Variants in SAR1B observed in about 807,000 individuals in gnomAD.
The protein encoded by SAR1B is small COPII coat GTPase SAR1B.
In SAR1B, 23 loss-of-function variants were observed where a neutral mutation model predicts 26.8. The observed-to-expected ratio is 0.86, with a 90% confidence interval of 0.62 to 1.22. SAR1B has a LOEUF of 1.22. Among genes scored for constraint, SAR1B ranks in the 50% most tolerant of loss-of-function variants. The pLI is 0.00. For synonymous variants in SAR1B, 65 were observed against 80.8 expected, an observed-to-expected ratio of 0.80 and a Z score of 1.05; for missense variants, 196 against 232.8, an observed-to-expected ratio of 0.84 and a Z score of 1.03.
chr5:134,627,300 C>T lies in SAR1B; in HGVS notation c.-18-3263G>A, dbSNP rs529161626. On this transcript the variant is annotated intron_variant, in intron 1 of 6. Transcript: ENST00000402673. ...TCTCCTGACCTCGTAATCCGCCCTC[C>T]TTGGCCTCCCAAAGTGTTGGGATTA... Among the ~76,000 whole-genome samples the T allele has an allele frequency of 1.5e-3, 227 of 151,698 alleles. 1 individual carries two copies. The highest frequency in any genetic ancestry group is 6.8e-3 in the Middle Eastern group (2 of 292).
chr5:134,631,521 C>T (rs1028828661), intron 1 of SAR1B: 3 of 152,192 alleles, frequency 2.0e-5, no homozygotes, highest in Non-Finnish European at 2.9e-5. Context: ...GTGACCTACT[C>T]TTCACTGATA....
intron 1 of SAR1B, among the ~76,000 whole-genome samples, chr5:134,631,353 GAC>G (rs1765602022): frequency 6.6e-6 from 1 of 152,112 alleles, no homozygotes; most frequent in East Asian, 1.9e-4. Context: ...ACATTTTGGT[GAC>G]AGACACAAGT....
intron 1 of SAR1B, among the ~76,000 whole-genome samples, chr5:134,627,145 A>G (rs746408221): frequency 6.6e-6 from 1 of 151,594 alleles, no homozygotes; most frequent in Non-Finnish European, 1.5e-5. Context: ...TCCACCTCCC[A>G]GGTTCACGCC....
At chr5:134,625,352 G>C (rs574173351) in intron 1 of SAR1B, among the ~76,000 whole-genome samples, 1 of 152,220 alleles carries the variant, frequency 6.6e-6, no homozygotes, top group South Asian at 2.1e-4. Context: ...CTAGAGATTA[G>C]GAACATCCAG....
chr5:134,625,489 G>A (rs541714465), intron 1 of SAR1B, among the ~76,000 whole-genome samples: 34 of 152,238 alleles, frequency 2.2e-4, no homozygotes, highest in Admixed American at 9.2e-4. Flanking sequence ...GAGATGGAGC[G>A]GTGATCAAAG....
intron 3 of SAR1B, among the ~76,000 whole-genome samples, chr5:134,619,286 G>A (rs1765364314): frequency 6.9e-6 from 1 of 144,874 alleles, no homozygotes; most frequent in South Asian, 2.3e-4. Context: ...AGCCGAGATC[G>A]TGCCATTGCT....
intron 5 of SAR1B, 125 bp from the exon 6 acceptor site, chr5:134,608,628 C>T: frequency 9.5e-7 from 1 of 1,047,564 alleles, no homozygotes; most frequent in Non-Finnish European, 1.4e-6. Flanking sequence ...CGTTCTTTGT[C>T]AAACTTTCCC....
At position 134,603,541 on chromosome 5, in the gene SAR1B, C is replaced by T. The variant is rs1342275208; in HGVS notation, c.*3409G>A. ...ATTGGCCGGGCATGGCGGCTCACGC[C>T]TGTAATCCCAGCACTTTGGGAGGCT... On this transcript the variant is annotated 3_prime_UTR_variant, in exon 7 of 7. Transcript: ENST00000402673. 1.3e-5 allele frequency: 2 copies of T among 152,284 alleles called. No homozygotes were observed. The highest frequency in any genetic ancestry group is 4.8e-5 in the African/African-American group (2 of 41,452). 9.4% of individuals were successfully genotyped at this position (152,284 alleles called of 1,614,324 possible).
chr5:134,615,421 A>G (rs1226238550), intron 3 of SAR1B, among the ~76,000 whole-genome samples: 1 of 151,482 alleles, frequency 6.6e-6, no homozygotes, highest in Non-Finnish European at 1.5e-5. Flanking sequence ...AGGCTGAGGC[A>G]GGAGAATCAC....
At chr5:134,618,791 A>G (rs1765354021) in intron 3 of SAR1B, among the ~76,000 whole-genome samples, 1 of 152,016 alleles carries the variant, frequency 6.6e-6, no homozygotes, top group Non-Finnish European at 1.5e-5. Flanking sequence ...TGTGGCCAGG[A>G]GTTCGAGACC....
At chr5:134,623,812 G>A in intron 2 of SAR1B, 150 bp downstream of exon 2, 1 of 648,610 alleles carries the variant, frequency 1.5e-6, no homozygotes, top group Non-Finnish European at 2.8e-6. Context: ...GATACAATGA[G>A]TAATTGAACA....
At chr5:134,617,450 GATTA>G (rs1243996843) in intron 3 of SAR1B, among the ~76,000 whole-genome samples, 14 of 151,984 alleles carry the variant, frequency 9.2e-5, no homozygotes, top group African/African-American at 2.4e-5. Context: ...ATATGCTTTT[GATTA>G]ATTAAAAAAT....
intron 3 of SAR1B, among the ~76,000 whole-genome samples, chr5:134,617,457 TA>T (rs1444977969): frequency 6.6e-6 from 1 of 152,180 alleles, no homozygotes; most frequent in Non-Finnish European, 1.5e-5. Flanking sequence ...TTTGATTAAT[TA>T]AAAAATATGA....
intron 6 of SAR1B, among the ~76,000 whole-genome samples, chr5:134,607,904 A>G (rs1374869077): frequency 1.3e-5 from 2 of 152,148 alleles, no homozygotes; most frequent in East Asian, 3.8e-4. Flanking sequence ...TTCAATGCTG[A>G]TGTTTCCCCC....
At chr5:134,631,093 C>T (rs1240057985) in intron 1 of SAR1B, among the ~76,000 whole-genome samples, 2 of 150,972 alleles carry the variant, frequency 1.3e-5, no homozygotes, top group Non-Finnish European at 2.9e-5. Flanking sequence ...AATGTAGAGA[C>T]TGGGTCTTGC....
chr5:134,609,174 C>T (rs1297699219), intron 5 of SAR1B: 2 of 452,070 alleles, frequency 4.4e-6, no homozygotes, highest in South Asian at 3.2e-5. Flanking sequence ...TGCCTCTGCT[C>T]ACTCCTGGGA....
At position 134,603,409 on chromosome 5, in the gene SAR1B, A is replaced by C. The variant is rs375132310; in HGVS notation, c.*3541T>G. ...GGTTTTGAATGTAGTTAATAAAATA[A>C]TTTTCTAGAATGCAAGAAACACTAT... On this transcript the variant is annotated 3_prime_UTR_variant, in exon 7 of 7. Coordinates refer to ENST00000402673, the MANE Select transcript of SAR1B (RefSeq NM_016103.4). The C allele has an allele frequency of 7.9e-5, 12 of 152,344 alleles. No individual in the cohort carries two copies. Among genetic ancestry groups the C allele is most frequent in the African/African-American group, 2.6e-4 (11 of 41,576 alleles). The allele number at this position is 152,344 out of a possible 1,614,324, so 9.4% of individuals were successfully genotyped here.
intron 6 of SAR1B, among the ~76,000 whole-genome samples, chr5:134,607,772 CAAA>C (rs35665930): frequency 2.0e-5 from 2 of 99,658 alleles, no homozygotes. Context: ...AACTCCATCT[CAAA>C]AAAAAAAAAA....
intron 6 of SAR1B, among the ~76,000 whole-genome samples, chr5:134,608,079 C>T (rs1318547537): frequency 1.3e-5 from 2 of 152,108 alleles, no homozygotes; most frequent in East Asian, 1.9e-4. Context: ...TCAAATATAT[C>T]GTTTGGTGGC....
Sources: allele counts gnomAD v4.1 joint callset (sites outside exome capture counted in the v4.1 genomes callset), GRCh38; gene constraint gnomAD v4.1.1; transcripts MANE v1.5; gene names NCBI Gene and HGNC (gene_info 2026-07-23, HGNC 2026-07-21).